Variants in ZSCAN25 observed in about 807,000 individuals in gnomAD.
ZSCAN25 encodes zinc finger and SCAN domain containing 25, also known as zinc finger and SCAN domain-containing protein 25.
ZSCAN25 carries 27 observed loss-of-function variants against 38.7 expected under a neutral mutation model. The observed-to-expected ratio is 0.70, with a 90% CI of 0.51 to 0.96. The LOEUF (loss-of-function observed/expected upper bound fraction) is 0.96, where lower values mean the gene tolerates loss of function less well. Ranked by LOEUF, ZSCAN25 falls within the 40% of genes least tolerant of loss-of-function variation. The pLI is 0.00. For synonymous variants in ZSCAN25, 273 were observed against 277.7 expected (o/e 0.98, Z 0.17); for missense variants, 637 against 705.9 (o/e 0.90, Z 1.11).
At chr7:99,663,228 TTTATTC>T in the ZSCAN25 span, 1 of 1,061,022 alleles carries the variant, frequency 9.4e-7, no homozygotes, top group Non-Finnish European at 1.1e-6. Context: ...TACTGGATCT[TTTATTC>T]TTCTACCTTT....
At chr7:99,622,232 C>G (rs1308403375) in intron 5 of ZSCAN25, 11 of 341,908 alleles carry the variant, frequency 3.2e-5, no homozygotes, top group Non-Finnish European at 6.0e-5. Flanking sequence ...GCCCACGTAG[C>G]TTTATTTTGT....
the ZSCAN25 span, chr7:99,672,863 C>T: frequency 1.4e-6 from 2 of 1,405,208 alleles, no homozygotes; most frequent in African/African-American, 2.9e-5. Flanking sequence ...ACACAGGAGC[C>T]ACCCAAGGCT....
chr7:99,628,445 G>A (rs1026793768), intron 7 of ZSCAN25, among the ~76,000 whole-genome samples: 2 of 151,472 alleles, frequency 1.3e-5, no homozygotes, highest in Non-Finnish European at 2.9e-5. Flanking sequence ...CACCTGTTCC[G>A]TTAATTTAGA....
chr7:99,688,940 G>A, the ZSCAN25 span, among the ~76,000 whole-genome samples: 1 of 152,142 alleles, frequency 6.6e-6, no homozygotes, highest in Non-Finnish European at 1.5e-5. Context: ...CAAAATGAAG[G>A]CAGAAATAAA....
the ZSCAN25 span, chr7:99,720,564 T>A: frequency 1.2e-6 from 1 of 823,060 alleles, no homozygotes; most frequent in Admixed American, 2.3e-5. Context: ...TAGGTATAAC[T>A]CACAGCAAGA....
intron 5 of ZSCAN25, chr7:99,622,164 A>G: frequency 4.5e-6 from 1 of 222,136 alleles, no homozygotes; most frequent in South Asian, 5.6e-5. Context: ...TGACCTCGTG[A>G]TCTGTCCACC....
At chr7:99,617,644 C>G (rs1267823150) in intron 1 of ZSCAN25, among the ~76,000 whole-genome samples, 1 of 152,144 alleles carries the variant, frequency 6.6e-6, no homozygotes, top group African/African-American at 2.4e-5. Context: ...ACTCGGGAGG[C>G]TGAGGTGGGA....
Position 99,621,509 on chromosome 7 carries a change from A to G in ZSCAN25, c.524A>G (p.Asp175Gly), listed in dbSNP as rs1293415341. ...CCTGGGGAAGGAGTTCAAGGTCCAGACCCAGGTACCGAGGAGCAGCTCAGT... is the reference window on the plus strand; with the variant it reads ...CCTGGGGAAGGAGTTCAAGGTCCAGGCCCAGGTACCGAGGAGCAGCTCAGT... ...MPPGEGVQGP[D>G]PGTEEQLSQD... The change falls in exon 5 of 8, where the codon GAC (aspartate) becomes GGC (glycine). Residue 175 changes from aspartate (D) to glycine (G), a missense_variant. Asp to Gly is a moderately conservative substitution (Grantham distance 94). Coordinates refer to ENST00000394152, the MANE Select transcript of ZSCAN25 (RefSeq NM_145115.3). 3.2e-6 allele frequency: 5 copies of G among 1,567,462 alleles called. No homozygotes were observed. The highest frequency in any genetic ancestry group is 4.3e-6 in the Non-Finnish European group (5 of 1,150,842).
At chr7:99,689,959 C>T in the ZSCAN25 span, among the ~76,000 whole-genome samples, 1 of 152,302 alleles carries the variant, frequency 6.6e-6, no homozygotes, top group African/African-American at 2.4e-5. Context: ...CTTTAAAGTT[C>T]ATATGGAACC....
the ZSCAN25 span, among the ~76,000 whole-genome samples, chr7:99,690,875 G>A: frequency 5.3e-5 from 8 of 152,320 alleles, no homozygotes; most frequent in Non-Finnish European, 7.3e-5. Flanking sequence ...CATTGTGGAA[G>A]TCAGTGTGGC....
the ZSCAN25 span, among the ~76,000 whole-genome samples, chr7:99,658,317 A>G: frequency 6.6e-6 from 1 of 152,092 alleles, no homozygotes; most frequent in Non-Finnish European, 1.5e-5. Context: ...TCTGTAAAGT[A>G]TTTTATTTCT....
At chr7:99,699,121 T>C in the ZSCAN25 span, among the ~76,000 whole-genome samples, 1 of 152,282 alleles carries the variant, frequency 6.6e-6, no homozygotes, top group East Asian at 1.9e-4. Context: ...AAAAAATGTG[T>C]AAAATCCAAA....
At chr7:99,660,213 CCTT>C in the ZSCAN25 span, 1 of 653,722 alleles carries the variant, frequency 1.5e-6, no homozygotes, top group Non-Finnish European at 1.8e-6. Context: ...TCGCCACACT[CCTT>C]TTTTTTTTTT....
the ZSCAN25 span, among the ~76,000 whole-genome samples, chr7:99,723,569 A>G: frequency 6.6e-6 from 1 of 152,092 alleles, no homozygotes; most frequent in Admixed American, 6.5e-5. Flanking sequence ...CATGGACGCA[A>G]ATGACATTTG....
chr7:99,705,338 C>A, the ZSCAN25 span: 3 of 780,374 alleles, frequency 3.8e-6, no homozygotes, highest in Non-Finnish European at 6.2e-6. Context: ...TCTATACAGA[C>A]CATGAGAGAG....
chr7:99,649,417 A>G, the ZSCAN25 span, among the ~76,000 whole-genome samples: 1 of 152,352 alleles, frequency 6.6e-6, no homozygotes, highest in East Asian at 1.9e-4. Flanking sequence ...TCTTCAGAGA[A>G]AAGATTCTAA....
chr7:99,717,158 T>C, the ZSCAN25 span: 3 of 1,613,638 alleles, frequency 1.9e-6, no homozygotes, highest in African/African-American at 2.7e-5. Context: ...CAGAACCCCA[T>C]GGCTGTGCTC....
At chr7:99,662,941 T>C in the ZSCAN25 span, 3 of 1,606,826 alleles carry the variant, frequency 1.9e-6, no homozygotes, top group Non-Finnish European at 2.6e-6. This position sits in a 1 kb window ranked among gnomAD's most constrained non-coding sequence, Gnocchi z 4.3. Context: ...CAGAAGTAAA[T>C]CAAAAGTGCA....
chr7:99,735,701 A>T, the ZSCAN25 span, among the ~76,000 whole-genome samples: 4 of 152,098 alleles, frequency 2.6e-5, no homozygotes, highest in African/African-American at 9.7e-5. Flanking sequence ...CATCCCCTTC[A>T]TGCAGTTCTA....
Sources: allele counts gnomAD v4.1 joint callset (sites outside exome capture counted in the v4.1 genomes callset), GRCh38; gene constraint gnomAD v4.1.1; non-coding constraint Gnocchi (gnomAD v3.1); transcripts MANE v1.5; gene names NCBI Gene and HGNC (gene_info 2026-07-23, HGNC 2026-07-21).